NPDC1: variants seen among roughly 807,000 people sequenced by gnomAD.
NPDC1 encodes neural proliferation differentiation and control protein 1.
A neutral mutation model predicts 32.5 loss-of-function variants in NPDC1; 18 were observed. The ratio of observed to expected loss-of-function variants is 0.55; its 90% confidence interval spans 0.38 to 0.82. NPDC1 has a LOEUF of 0.82. Ranked by LOEUF, NPDC1 falls within the 40% of genes least tolerant of loss-of-function variation. The probability of loss-of-function intolerance (pLI) is 0.00; values close to 1 mark genes in which losing one functional copy is unlikely to be tolerated. For missense variants in NPDC1, 468 were observed against 406.6 expected (o/e 1.15, Z -1.30); for synonymous variants, 210 against 184.7 (o/e 1.14, Z -1.11).
rs1588550600 is a variant in NPDC1, at chr9:137,046,058, G to C, written c.-69C>G. The C allele has an allele frequency of 8.7e-7, 1 of 1,145,742 alleles. No homozygotes were observed. Among genetic ancestry groups the C allele is most frequent in the Non-Finnish European group, 1.1e-6 (1 of 931,952 alleles). The allele number at this position is 1,145,742 out of a possible 1,614,324, so 71.0% of individuals were successfully genotyped here. On this transcript the variant is annotated 5_prime_UTR_variant, in exon 1 of 9. Transcript: ENST00000371601. ...GGGCTCGGCGCGGGCTCCGGGCTCC[G>C]CGTCGGGAGCAGCGGAGGCAGCGGG... is the stretch of plus-strand genomic sequence containing the variant.
intron 1 of NPDC1, among the ~76,000 whole-genome samples, chr9:137,044,411 G>T (rs1264861800): frequency 6.6e-6 from 1 of 152,228 alleles, no homozygotes; most frequent in Non-Finnish European, 1.5e-5. Flanking sequence ...CCGCTCCTGT[G>T]CTGATACCCC....
At chr9:137,043,644 C>G in intron 1 of NPDC1, 1 of 475,022 alleles carries the variant, frequency 2.1e-6, no homozygotes, top group Non-Finnish European at 3.8e-6. Flanking sequence ...AGTCTGCTGA[C>G]CTCACTGGCC....
rs1296213951 is a variant in NPDC1 at position 137,040,024 on chromosome 9, C to T, written c.832G>A (p.Glu278Lys). The change falls in exon 8 of 9, where the codon GAG becomes AAG. Residue 278 changes from glutamate (E) to lysine (K), a missense_variant. Glu to Lys is a moderately conservative substitution (Grantham distance 56). Coordinates refer to ENST00000371601, the MANE Select transcript of NPDC1 (RefSeq NM_015392.4). ...PKELDTASSD[E>K]ENEDGDFTVY... ...GTGAAGTCTCCGTCCTCATTCTCCT[C>T]ATCCGAGGAGGCCGTGTCCAGCTCC... The T allele has an allele frequency of 2.6e-6, 2 of 778,984 alleles. No homozygotes were observed. The highest frequency in any genetic ancestry group is 4.8e-6 in the Non-Finnish European group (2 of 417,956). The allele number at this position is 778,984 out of a possible 1,614,324, so 48.3% of individuals were successfully genotyped here.
chr9:137,040,632 G>T (rs375075118), intron 5 of NPDC1, 34 bp from the exon 6 acceptor site: 169 of 1,562,522 alleles, frequency 1.1e-4, no homozygotes, highest in Non-Finnish European at 1.0e-4. Context: ...CTCTGAGCGT[G>T]TGGCACCCTC....
Position 137,045,878 on chromosome 9 carries a change from C to G in NPDC1, c.112G>C (p.Asp38His). ...ALRGAAAGHP[D>H]VAACPGSLDC... is the part of the protein sequence containing the mutation. ...GCCTGCGCCCAGCGCGCTCGCTCAC[C>G]CGGGTGGCCGGCGGCGGCTCCACGC... The change falls in exon 1 of 9, where the codon GAT (aspartate) becomes CAT (histidine). Residue 38 changes from aspartate (D) to histidine (H), a missense_variant and splice_region_variant. Physicochemically the swap from Asp to His is moderately conservative, Grantham distance 81 (BLOSUM62 -1). Coordinates refer to ENST00000371601, the MANE Select transcript of NPDC1 (RefSeq NM_015392.4). The G allele has an allele frequency of 9.3e-7, 1 of 1,072,766 alleles. No individual in the cohort carries two copies. The highest frequency in any genetic ancestry group is 1.1e-6 in the Non-Finnish European group (1 of 887,538). The allele number at this position is 1,072,766 out of a possible 1,614,324, so 66.5% of individuals were successfully genotyped here.
chr9:137,040,761 C>T (rs1348241393), intron 4 of NPDC1, 24 bp from the exon 5 acceptor site: 12 of 1,586,008 alleles, frequency 7.6e-6, no homozygotes, highest in South Asian at 6.8e-5. Context: ...CGTGTGAGGG[C>T]GGCCTTCTGC....
At chr9:137,042,494 T>C (rs1288841509) in intron 2 of NPDC1, among the ~76,000 whole-genome samples, 1 of 151,840 alleles carries the variant, frequency 6.6e-6, no homozygotes, top group Non-Finnish European at 1.5e-5. Context: ...CCTGACCTTA[T>C]GATGTGCCCG....
At chr9:137,042,520 G>A (rs952430125) in intron 2 of NPDC1, among the ~76,000 whole-genome samples, 6 of 146,596 alleles carry the variant, frequency 4.1e-5, no homozygotes, top group Non-Finnish European at 6.0e-5. Flanking sequence ...GCCTCCCAAA[G>A]TGCTGGGATT....
chr9:137,045,737 G>A (rs931263145), intron 1 of NPDC1, 141 bp downstream of exon 1: 2 of 410,150 alleles, frequency 4.9e-6, no homozygotes, highest in Non-Finnish European at 3.3e-6. Flanking sequence ...GGCGAGGCGG[G>A]GCCCCCGCCA....
Position 137,043,008 on chromosome 9 carries a change from C to G in NPDC1, c.178G>C (p.Ala60Pro). 6.2e-7 allele frequency: 1 copy of G among 1,612,846 alleles called. No individual in the cohort carries two copies. Among genetic ancestry groups the G allele is most frequent in the Non-Finnish European group, 8.5e-7 (1 of 1,179,932 alleles). ...TGAAGGCAGGGCCCACAGGCATGTG[C>G]ACCAGGAGGACACCTTGCCCGCCTC... ...LKRRARCPPG[A>P]HACGPCLQPF... The change falls in exon 2 of 9, where the codon GCA becomes CCA. Residue 60 changes from alanine (A) to proline (P), a missense_variant. By Grantham distance (27) the Ala-to-Pro change is conservative. Transcript: ENST00000371601.
chr9:137,040,345 G>A lies in NPDC1; in HGVS notation c.788+12C>T. On this transcript the variant is annotated intron_variant, in intron 7 of 8. Transcript: ENST00000371601. Reference sequence around the variant, plus strand: ...GGTGGGTGGGGGTGGCAGTGCCGGGGCGGCCACTCACCGCTCCAGGCACAG... The same window carrying A: ...GGTGGGTGGGGGTGGCAGTGCCGGGACGGCCACTCACCGCTCCAGGCACAG... 6.5e-7 allele frequency: 1 copy of A among 1,538,316 alleles called. No homozygotes were observed. The highest frequency in any genetic ancestry group is 8.7e-7 in the Non-Finnish European group (1 of 1,145,834).
Position 137,040,498 on chromosome 9 carries a change from G to A in NPDC1, c.708+16C>T. On this transcript the variant is annotated intron_variant, in intron 6 of 8. Transcript: ENST00000371601. ...AGAGTTGGGCGGGAGCCTCAGGGCT[G>A]AAGGGGGCCACACACCGAGATCCGG... 6.3e-7 allele frequency: 1 copy of A among 1,587,112 alleles called. No homozygotes were observed. The highest frequency in any genetic ancestry group is 8.5e-7 in the Non-Finnish European group (1 of 1,170,718).
At chr9:137,042,699 A>C (rs1832075334) in intron 2 of NPDC1, among the ~76,000 whole-genome samples, 1 of 151,614 alleles carries the variant, frequency 6.6e-6, no homozygotes, top group African/African-American at 2.4e-5. Flanking sequence ...AGCTGGGACT[A>C]CAGGTGTGTG....
At chr9:137,042,447 T>C (rs1306114207) in intron 2 of NPDC1, among the ~76,000 whole-genome samples, 5 of 151,990 alleles carry the variant, frequency 3.3e-5, no homozygotes, top group South Asian at 2.1e-4. Context: ...TTAGTACAGA[T>C]GGGGTTTCAC....
chr9:137,043,504 T>C, intron 1 of NPDC1: 2 of 610,126 alleles, frequency 3.3e-6, no homozygotes, highest in Non-Finnish European at 6.0e-6. Flanking sequence ...CAGCAAACGA[T>C]GCCGCCAGCG....
chr9:137,043,593 C>T, intron 1 of NPDC1: 1 of 565,020 alleles, frequency 1.8e-6, no homozygotes, highest in Non-Finnish European at 3.2e-6. Flanking sequence ...GCTCCTCCAG[C>T]CTCTGGCTTG....
At chr9:137,043,668 C>T (rs1446458970) in intron 1 of NPDC1, 1 of 411,668 alleles carries the variant, frequency 2.4e-6, no homozygotes, top group Non-Finnish European at 4.4e-6. Flanking sequence ...GACACAGAAC[C>T]CAGGCAGGTC....
intron 1 of NPDC1, among the ~76,000 whole-genome samples, chr9:137,044,794 A>T (rs1832106931): frequency 6.6e-6 from 1 of 152,208 alleles, no homozygotes; most frequent in South Asian, 2.1e-4. Context: ...TTTCCTGAAT[A>T]GGTGGCCTCC....
chr9:137,040,452 G>T lies in NPDC1; in HGVS notation c.709-16C>A. 1.3e-6 allele frequency: 2 copies of T among 1,559,548 alleles called. No individual in the cohort carries two copies. The highest frequency in any genetic ancestry group is 1.7e-6 in the Non-Finnish European group (2 of 1,153,570). ...GGTCCCCAGGCTGTGGGAAGGAGGAGGCGAGGGTCAGTTGGCGGCCAGAGT... is the reference window on the plus strand; with the variant it reads ...GGTCCCCAGGCTGTGGGAAGGAGGATGCGAGGGTCAGTTGGCGGCCAGAGT... On this transcript the variant is annotated splice_polypyrimidine_tract_variant and intron_variant, in intron 6 of 8. Transcript: ENST00000371601.
Sources: allele counts gnomAD v4.1 joint callset (sites outside exome capture counted in the v4.1 genomes callset), GRCh38; gene constraint gnomAD v4.1.1; transcripts MANE v1.5; gene names NCBI Gene and HGNC (gene_info 2026-07-23, HGNC 2026-07-21).